The following XCR1 variants were observed in gnomAD, a reference collection of about 807,000 sequenced individuals.
XCR1 encodes chemokine XC receptor 1.
For synonymous variants in XCR1, 187 were observed against 188.5 expected, an observed-to-expected ratio of 0.99 and a Z score of 0.06; for missense variants, 356 against 424.2, an observed-to-expected ratio of 0.84 and a Z score of 1.41.
chr3:46,065,892 C>T (rs918716643), intron 4 of XCR1, among the ~76,000 whole-genome samples: 1 of 152,192 alleles, frequency 6.6e-6, no homozygotes, highest in Non-Finnish European at 1.5e-5. Context: ...AAGCTTGAGG[C>T]GTCTTTGCCT....
intron 3 of XCR1, among the ~76,000 whole-genome samples, chr3:46,072,132 T>C (rs1430092971): frequency 6.6e-6 from 1 of 152,150 alleles, no homozygotes; most frequent in Non-Finnish European, 1.5e-5. Flanking sequence ...CAAAAATCAG[T>C]AGCATTTCTA....
chr3:46,040,891 G>C (rs1575419582), intron 5 of XCR1, among the ~76,000 whole-genome samples: 1 of 152,172 alleles, frequency 6.6e-6, no homozygotes, highest in Non-Finnish European at 1.5e-5. Flanking sequence ...CATAAAGATT[G>C]CTAGCCCAGT....
chr3:46,065,369 C>G (rs1476825676), intron 4 of XCR1, among the ~76,000 whole-genome samples: 1 of 152,176 alleles, frequency 6.6e-6, no homozygotes, highest in African/African-American at 2.4e-5. Flanking sequence ...TTTCTAGCAA[C>G]TTAACTTTGA....
In XCR1 at chr3:46,018,527, GC is replaced by G. The variant is rs1302916114; in HGVS notation, c.*2418del. The G allele has an allele frequency of 6.6e-6, 1 of 152,190 alleles. No individual in the cohort carries two copies. Among genetic ancestry groups the G allele is most frequent in the Non-Finnish European group, 1.5e-5 (1 of 68,066 alleles). 9.4% of individuals were successfully genotyped at this position (152,190 alleles called of 1,614,324 possible). On this transcript the variant is annotated 3_prime_UTR_variant, in exon 2 of 2. Transcript: ENST00000309285. ...AACTACCTCATTATCTCTTCCTTAT[GC>G]TGTTTCTCCCATCGGTGGTGAGTAG...
At chr3:46,051,000 C>G (rs1166851999) in intron 5 of XCR1, among the ~76,000 whole-genome samples, 1 of 152,174 alleles carries the variant, frequency 6.6e-6, no homozygotes, top group Non-Finnish European at 1.5e-5. Flanking sequence ...CTTTTACCAA[C>G]AGATGAAGTT....
chr3:46,053,034 C>T (rs889530780), intron 5 of XCR1, among the ~76,000 whole-genome samples: 5 of 152,136 alleles, frequency 3.3e-5, no homozygotes, highest in African/African-American at 1.2e-4. Context: ...ATAATGTCTC[C>T]GTTTCCAGCA....
chr3:46,068,781 CGTGTGT>C lies in XCR1; in HGVS notation c.-262-1809_-262-1804del, dbSNP rs10583362. 2.0e-3 allele frequency among the ~76,000 whole-genome samples: 308 copies of C among 150,246 alleles called. 1 individual carries two copies. The highest frequency in any genetic ancestry group is 0.014 in the Middle Eastern group (4 of 292). On this transcript the variant is annotated intron_variant, in intron 3 of 5. Transcript: ENST00000683768. ...TAGCTGCGGGTGTCAACATCATGGA[CGTGTGT>C]GTGTGTGTGTGTGTGTGTATGGTTT...
At chr3:46,035,850 T>A (rs1456135364) in intron 5 of XCR1, among the ~76,000 whole-genome samples, 1 of 152,046 alleles carries the variant, frequency 6.6e-6, no homozygotes, top group Non-Finnish European at 1.5e-5. Context: ...ATTGTTTGTG[T>A]GTGTGTCCAG....
intron 1 of XCR1, among the ~76,000 whole-genome samples, chr3:46,078,598 T>G (rs1698303086): frequency 6.6e-6 from 1 of 152,204 alleles, no homozygotes; most frequent in African/African-American, 2.4e-5. Flanking sequence ...GTCCAGGCAT[T>G]GGCAATTTGA....
At chr3:46,078,753 G>A (rs1422292003) in intron 1 of XCR1, among the ~76,000 whole-genome samples, 1 of 152,148 alleles carries the variant, frequency 6.6e-6, no homozygotes. Context: ...CTCTTGCTAT[G>A]GAGAAAGGGC....
chr3:46,025,753 A>G (rs974361724), intron 1 of XCR1, among the ~76,000 whole-genome samples: 6 of 152,214 alleles, frequency 3.9e-5, no homozygotes, highest in African/African-American at 1.4e-4. Context: ...TTGGGGAAGA[A>G]ATAACACCAG....
rs539402831 is a variant in XCR1, at chr3:46,070,416, T to C, written c.-262-3438A>G. ...CTCACTATTATTGTGTTATTGTCCATCTCTTTCTTTAGATCTAGTAATATT... is the reference window on the plus strand; with the variant it reads ...CTCACTATTATTGTGTTATTGTCCACCTCTTTCTTTAGATCTAGTAATATT... On this transcript the variant is annotated intron_variant, in intron 3 of 5. Transcript: ENST00000683768. 2.4e-4 allele frequency among the ~76,000 whole-genome samples: 37 copies of C among 152,216 alleles called. 1 individual carries two copies. In the South Asian group the frequency reaches 5.2e-3, roughly 21 times the overall value.
chr3:46,034,327 G>A (rs186107498), intron 5 of XCR1, among the ~76,000 whole-genome samples: 93 of 152,266 alleles, frequency 6.1e-4, no homozygotes, highest in African/African-American at 2.2e-3. Context: ...CCTTCTGCAG[G>A]CTTGCTATAT....
At chr3:46,049,881 G>T (rs1397352754) in intron 5 of XCR1, among the ~76,000 whole-genome samples, 2 of 152,224 alleles carry the variant, frequency 1.3e-5, no homozygotes, top group African/African-American at 2.4e-5. Context: ...AAAGTAGTCT[G>T]CCAGGCAGTT....
At chr3:46,074,542 C>T (rs1698225896) in intron 3 of XCR1, among the ~76,000 whole-genome samples, 1 of 151,790 alleles carries the variant, frequency 6.6e-6, no homozygotes, top group Non-Finnish European at 1.5e-5. Context: ...GTGATAGATA[C>T]ACTAGAAGCC....
upstream of XCR1, among the ~76,000 whole-genome samples, chr3:46,032,431 A>G (rs35814488): frequency 0.2 from 30,369 of 152,244 alleles, 4,440 homozygotes; most frequent in African/African-American, 0.4. Flanking sequence ...CATAGCTGGC[A>G]TGTCTCACTA....
intron 3 of XCR1, among the ~76,000 whole-genome samples, chr3:46,072,659 G>A (rs1026152804): frequency 1.3e-5 from 2 of 152,164 alleles, no homozygotes; most frequent in African/African-American, 4.8e-5. Context: ...TCATGGATCA[G>A]AAGAATTAAT....
At chr3:46,046,194 G>A (rs1697623906) in intron 5 of XCR1, among the ~76,000 whole-genome samples, 3 of 152,148 alleles carry the variant, frequency 2.0e-5, no homozygotes, top group South Asian at 2.1e-4. Context: ...CAAAGGGGGC[G>A]AACGCAGGAA....
At position 46,020,850 on chromosome 3, in the gene XCR1, G is replaced by T. The variant is rs1342422926; in HGVS notation, c.*96C>A. The T allele has an allele frequency of 3.4e-6, 5 of 1,462,540 alleles. No homozygotes were observed. In the East Asian group the frequency reaches 9.6e-5, roughly 28 times the overall value. The allele number at this position is 1,462,540 out of a possible 1,614,324, so 90.6% of individuals were successfully genotyped here. A position where few individuals can be genotyped will look rare whatever the true frequency, so the allele number is the denominator to read the frequency against. ...GCAGCGGAGGAGACGTCTCCACCCT[G>T]CTGTGTTCTGCAATGCTCCTTCCAG... On this transcript the variant is annotated 3_prime_UTR_variant, in exon 2 of 2. Coordinates refer to ENST00000309285, the MANE Select transcript of XCR1 (RefSeq NM_001024644.2).
Sources: allele counts gnomAD v4.1 joint callset (sites outside exome capture counted in the v4.1 genomes callset), GRCh38; gene constraint gnomAD v4.1.1; transcripts MANE v1.5; gene names NCBI Gene and HGNC (gene_info 2026-07-23, HGNC 2026-07-21).